Variants in SMOC2 observed in about 807,000 individuals in gnomAD.
The protein encoded by SMOC2 is SPARC related modular calcium binding 2.
SMOC2 carries 39 observed loss-of-function variants against 61.4 expected under a neutral mutation model. That is an observed-to-expected ratio of 0.64 (90% CI 0.49 to 0.83). The LOEUF (loss-of-function observed/expected upper bound fraction) is 0.83, where lower values mean the gene tolerates loss of function less well. Among genes scored for constraint, SMOC2 ranks in the 40% least tolerant of loss-of-function variants. SMOC2 has a pLI of 0.00. For missense variants in SMOC2, 556 were observed against 592.9 expected, an observed-to-expected ratio of 0.94 and a Z score of 0.65; for synonymous variants, 247 against 239.9, an observed-to-expected ratio of 1.03 and a Z score of -0.27.
chr6:168,526,739 C>T (rs1409972120), intron 3 of SMOC2, among the ~76,000 whole-genome samples: 2 of 152,124 alleles, frequency 1.3e-5, no homozygotes, highest in Non-Finnish European at 2.9e-5. Flanking sequence ...TGGAAGCTTC[C>T]TTAGTGAGGC....
chr6:168,455,475 G>A (rs542654521), intron 1 of SMOC2, among the ~76,000 whole-genome samples: 6 of 152,254 alleles, frequency 3.9e-5, no homozygotes, highest in South Asian at 2.1e-4. Flanking sequence ...CTCAAGTCCC[G>A]GCTTTGAGAG....
chr6:168,472,669 G>C (rs757306962), intron 1 of SMOC2, among the ~76,000 whole-genome samples: 35 of 152,096 alleles, frequency 2.3e-4, no homozygotes, highest in Non-Finnish European at 4.3e-4. Flanking sequence ...GACATCTTGA[G>C]TCTTTAGTAA....
chr6:168,578,880 G>A (rs962146152), intron 7 of SMOC2, among the ~76,000 whole-genome samples: 2 of 152,122 alleles, frequency 1.3e-5, no homozygotes, highest in East Asian at 1.9e-4. Context: ...AGTAGGGATC[G>A]CTGCGTGGTA....
chr6:168,666,299 C>T lies in SMOC2; in HGVS notation c.1324-122C>T, dbSNP rs531482016. 540 of 1,042,748 alleles carry T rather than the reference C, an allele frequency of 5.2e-4. 5 individuals carry two copies. In the South Asian group the frequency reaches 5.5e-3, roughly 11 times the overall value. The allele number at this position is 1,042,748 out of a possible 1,614,324, so 64.6% of individuals were successfully genotyped here. On this transcript the variant is annotated intron_variant, in intron 12 of 12. Coordinates refer to ENST00000356284, the MANE Select transcript of SMOC2 (RefSeq NM_001166412.2). ...CATTGTTTCTTACTCATACTTACAC[C>T]TCACATGACCTGCCCAGCCCTCTTT...
At chr6:168,559,882 T>C (rs1784356741) in intron 7 of SMOC2, among the ~76,000 whole-genome samples, 2 of 152,340 alleles carry the variant, frequency 1.3e-5, no homozygotes, top group African/African-American at 4.8e-5. Context: ...GTCACCCTTA[T>C]CAAGTGCTGA....
chr6:168,496,763 G>A (rs1259534792), intron 1 of SMOC2, among the ~76,000 whole-genome samples: 1 of 152,208 alleles, frequency 6.6e-6, no homozygotes, highest in African/African-American at 2.4e-5. Context: ...CTCAGCGTGG[G>A]GACCCTTCTG....
rs1020792453 is a variant in SMOC2 at position 168,451,749 on chromosome 6, G to C, written c.84+10295G>C. Among the ~76,000 whole-genome samples, 4 of 152,302 alleles carry C rather than the reference G, an allele frequency of 2.6e-5. No homozygotes were observed. In the East Asian group the frequency reaches 5.8e-4, roughly 22 times the overall value. The stretch of plus-strand genomic sequence containing the variant: ...AAGTTCTTTCTTTTTAGGATACGCA[G>C]ATCTGTGAGTATGCTAATCAGTTCT... On this transcript the variant is annotated intron_variant, in intron 1 of 12. Transcript: ENST00000356284.
At position 168,500,769 on chromosome 6, in the gene SMOC2, G is replaced by A. The variant is rs143387392; in HGVS notation, c.85-9146G>A. Among the ~76,000 whole-genome samples the A allele has an allele frequency of 8.3e-4, 127 of 152,266 alleles. 1 individual carries two copies. The highest frequency in any genetic ancestry group is 2.8e-3 in the African/African-American group (117 of 41,560). On this transcript the variant is annotated intron_variant, in intron 1 of 12. Coordinates refer to ENST00000356284, the MANE Select transcript of SMOC2 (RefSeq NM_001166412.2). ...CTTAGAGTCCATGCCCATGCATTCC[G>A]TGTCTACAAGGGTACTGCTTCACAG...
intron 5 of SMOC2, 85 bp downstream of exon 5, chr6:168,543,757 A>G (rs1458050255): frequency 1.6e-6 from 2 of 1,276,852 alleles, no homozygotes; most frequent in African/African-American, 3.0e-5. Context: ...AAGTTGAAAC[A>G]TCCACTAGTG....
chr6:168,567,153 A>G (rs977960491), intron 7 of SMOC2, among the ~76,000 whole-genome samples: 2 of 152,240 alleles, frequency 1.3e-5, no homozygotes, highest in African/African-American at 4.8e-5. Flanking sequence ...TTTGTATCAG[A>G]AAAAAGGATA....
In SMOC2 at chr6:168,517,649, C is replaced by T. The variant is rs73791049; in HGVS notation, c.256+7563C>T. On this transcript the variant is annotated intron_variant, in intron 2 of 12. Coordinates refer to ENST00000356284, the MANE Select transcript of SMOC2 (RefSeq NM_001166412.2). ...GGGGCTCCGTCCACGCGCTCTGCTC[C>T]TTCTGTTGCAGTTTTCCTGAGAGCA... Among the ~76,000 whole-genome samples, 705 of 152,332 alleles carry T rather than the reference C, an allele frequency of 4.6e-3. 4 individuals carry two copies. Among genetic ancestry groups the T allele is most frequent in the African/African-American group, 0.015 (643 of 41,578 alleles).
chr6:168,491,263 T>C (rs896609257), intron 1 of SMOC2, among the ~76,000 whole-genome samples: 2 of 152,230 alleles, frequency 1.3e-5, no homozygotes, highest in African/African-American at 4.8e-5. Context: ...CAGATGATGC[T>C]GAACGGACAT....
At chr6:168,523,861 T>C (rs933769330) in intron 2 of SMOC2, among the ~76,000 whole-genome samples, 4 of 152,146 alleles carry the variant, frequency 2.6e-5, no homozygotes, top group African/African-American at 9.7e-5. Flanking sequence ...AGTAAAAATA[T>C]ATTAAGGAGA....
At chr6:168,550,401 C>A (rs990529724) in intron 7 of SMOC2, among the ~76,000 whole-genome samples, 16 of 152,268 alleles carry the variant, frequency 1.1e-4, no homozygotes, top group African/African-American at 3.6e-4. Context: ...CCCCTTCACC[C>A]AGCTCTTACA....
chr6:168,455,613 A>T (rs1781564591), intron 1 of SMOC2, among the ~76,000 whole-genome samples: 1 of 152,238 alleles, frequency 6.6e-6, no homozygotes, highest in Non-Finnish European at 1.5e-5. Flanking sequence ...TAAAGGTTAC[A>T]CAGATTTTAT....
chr6:168,632,210 C>G (rs187186257), intron 9 of SMOC2, among the ~76,000 whole-genome samples: 31 of 152,266 alleles, frequency 2.0e-4, no homozygotes, highest in Admixed American at 5.9e-4. Context: ...TGGCCTAACT[C>G]AGGAACATCA....
At chr6:168,569,147 C>T (rs954079505) in intron 7 of SMOC2, among the ~76,000 whole-genome samples, 5 of 152,166 alleles carry the variant, frequency 3.3e-5, no homozygotes, top group East Asian at 3.9e-4. Flanking sequence ...GTGGTGGCCA[C>T]GCCATTCTGC....
intron 9 of SMOC2, among the ~76,000 whole-genome samples, chr6:168,639,962 G>A (rs1786850915): frequency 6.6e-6 from 1 of 152,132 alleles, no homozygotes; most frequent in South Asian, 2.1e-4. Flanking sequence ...ACGGGTGTGG[G>A]CTTTCTCTGC....
At chr6:168,571,883 GC>G (rs1784676900) in intron 7 of SMOC2, among the ~76,000 whole-genome samples, 1 of 112,224 alleles carries the variant, frequency 8.9e-6, no homozygotes, top group Non-Finnish European at 1.9e-5. Context: ...ATCCCCGGGT[GC>G]GGGGACCAGG....
Sources: gnomAD v4.1 joint callset for allele counts (sites outside exome capture counted in the v4.1 genomes callset) on GRCh38, gnomAD v4.1.1 for gene constraint, MANE v1.5 for transcripts, NCBI Gene and HGNC (gene_info 2026-07-23, HGNC 2026-07-21) for gene names.